The following MIR2052HG variants were observed in gnomAD, a reference collection of about 807,000 sequenced individuals.
MIR2052HG encodes the protein MIR2052 host gene.
chr8:74,664,150 T>TAAA (rs35863225), intron 2 of MIR2052HG, among the ~76,000 whole-genome samples: 2 of 146,264 alleles, frequency 1.4e-5, no homozygotes, highest in African/African-American at 2.5e-5. Context: ...CGGTGTGTGA[T>TAAA]AAAAAAAAAA....
chr8:74,616,751 T>G (rs934587948), intron 2 of MIR2052HG, among the ~76,000 whole-genome samples: 1 of 152,146 alleles, frequency 6.6e-6, no homozygotes, highest in East Asian at 1.9e-4. Flanking sequence ...TACTCTGTCT[T>G]AAACCTACCT....
chr8:74,733,908 C>G (rs774071791), intron 4 of MIR2052HG, among the ~76,000 whole-genome samples: 1 of 152,054 alleles, frequency 6.6e-6, no homozygotes, highest in Non-Finnish European at 1.5e-5. Context: ...TCATGTCCTT[C>G]GCCCACTTTT....
chr8:74,618,728 A>C (rs1157309148), intron 2 of MIR2052HG, among the ~76,000 whole-genome samples: 1 of 152,228 alleles, frequency 6.6e-6, no homozygotes, highest in Non-Finnish European at 1.5e-5. Flanking sequence ...CTGTGAGATA[A>C]GGAACAAGAC....
intron 1 of MIR2052HG, chr8:74,603,959 G>C: frequency 1.0e-6 from 1 of 981,312 alleles, no homozygotes; most frequent in Non-Finnish European, 1.7e-6. Flanking sequence ...GTGACTGGGG[G>C]TCTAGTGGCA....
At chr8:74,632,242 T>A (rs1299102978) in intron 2 of MIR2052HG, among the ~76,000 whole-genome samples, 5 of 152,164 alleles carry the variant, frequency 3.3e-5, no homozygotes, top group Non-Finnish European at 7.3e-5. Context: ...TGGCTTCTCC[T>A]GGACCACAGC....
chr8:74,628,520 T>G (rs565980280), intron 2 of MIR2052HG, among the ~76,000 whole-genome samples: 55 of 152,306 alleles, frequency 3.6e-4, no homozygotes, highest in Non-Finnish European at 6.2e-4. Context: ...TTCAGCTAAT[T>G]CAGTAAAAAC....
At chr8:74,699,918 A>G (rs780132526) in intron 2 of MIR2052HG, among the ~76,000 whole-genome samples, 8 of 152,172 alleles carry the variant, frequency 5.3e-5, no homozygotes, top group Non-Finnish European at 1.2e-4. Flanking sequence ...ACTTGATTTA[A>G]CTAACTATAG....
intron 4 of MIR2052HG, among the ~76,000 whole-genome samples, chr8:74,749,751 A>G (rs923317271): frequency 6.7e-6 from 1 of 150,098 alleles, no homozygotes; most frequent in Admixed American, 6.7e-5. Context: ...CAGGAGGCGG[A>G]GGCAGGAGAA....
intron 2 of MIR2052HG, among the ~76,000 whole-genome samples, chr8:74,636,226 T>C (rs1808579781): frequency 6.6e-6 from 1 of 152,170 alleles, no homozygotes; most frequent in Non-Finnish European, 1.5e-5. Flanking sequence ...ACCTGTTCTT[T>C]ACTTACCTTT....
At chr8:74,621,362 G>A (rs1262581782) in intron 2 of MIR2052HG, among the ~76,000 whole-genome samples, 2 of 152,130 alleles carry the variant, frequency 1.3e-5, no homozygotes, top group Admixed American at 6.5e-5. Flanking sequence ...TCCACTCTCT[G>A]TGGTATCAAT....
intron 2 of MIR2052HG, among the ~76,000 whole-genome samples, chr8:74,673,081 G>T (rs1395489216): frequency 1.3e-5 from 2 of 151,816 alleles, no homozygotes; most frequent in Non-Finnish European, 2.9e-5. Flanking sequence ...GAAAGAAGAG[G>T]CAAAAAGAAA....
chr8:74,677,068 A>G (rs1386592726), intron 2 of MIR2052HG, among the ~76,000 whole-genome samples: 1 of 152,090 alleles, frequency 6.6e-6, no homozygotes, highest in Non-Finnish European at 1.5e-5. Flanking sequence ...ATCAACACAA[A>G]ATATGCTTAA....
chr8:74,606,978 A>G (rs1029046158), intron 1 of MIR2052HG, among the ~76,000 whole-genome samples: 1 of 152,164 alleles, frequency 6.6e-6, no homozygotes, highest in Non-Finnish European at 1.5e-5. Context: ...AACATTACCA[A>G]TAGCCGTATT....
chr8:74,700,385 C>A (rs562479989), intron 2 of MIR2052HG, among the ~76,000 whole-genome samples: 1 of 152,206 alleles, frequency 6.6e-6, no homozygotes, highest in Non-Finnish European at 1.5e-5. Flanking sequence ...TGCTCTAAAC[C>A]AGTGTTGCCT....
chr8:74,676,106 G>C (rs1049885801), intron 2 of MIR2052HG, among the ~76,000 whole-genome samples: 21 of 151,920 alleles, frequency 1.4e-4, no homozygotes, highest in Non-Finnish European at 5.9e-5. Flanking sequence ...AATTAGAATT[G>C]CAAACCTGGA....
intron 4 of MIR2052HG, among the ~76,000 whole-genome samples, chr8:74,710,100 C>T (rs528847969): frequency 3.6e-4 from 55 of 152,134 alleles, no homozygotes; most frequent in African/African-American, 1.1e-3. Flanking sequence ...ATCTAAGTAG[C>T]GATTTTTAAA....
At chr8:74,718,549 A>G (rs1809543587) in intron 4 of MIR2052HG, among the ~76,000 whole-genome samples, 1 of 152,244 alleles carries the variant, frequency 6.6e-6, no homozygotes, top group Non-Finnish European at 1.5e-5. Context: ...AGTTGCATGT[A>G]TCAGCCGTAC....
At chr8:74,749,330 C>T (rs1443394762) in intron 4 of MIR2052HG, among the ~76,000 whole-genome samples, 3 of 151,584 alleles carry the variant, frequency 2.0e-5, no homozygotes, top group Non-Finnish European at 4.4e-5. Flanking sequence ...ACAATATGGA[C>T]ATAAGAAATC....
chr8:74,690,140 C>T (rs16938935), intron 2 of MIR2052HG, among the ~76,000 whole-genome samples: 16,507 of 152,132 alleles, frequency 0.11, 2,079 homozygotes, highest in African/African-American at 0.31. Flanking sequence ...TATTTCCATA[C>T]GTTGTTTTAT....
Sources: allele counts gnomAD v4.1 joint callset (sites outside exome capture counted in the v4.1 genomes callset), GRCh38; gene constraint gnomAD v4.1.1; transcripts MANE v1.5; gene names NCBI Gene and HGNC (gene_info 2026-07-23, HGNC 2026-07-21).